Variants in MARCHF1 observed in about 807,000 individuals in gnomAD.
MARCHF1 encodes membrane associated ring-CH-type finger 1, also known as E3 ubiquitin-protein ligase MARCHF1.
In MARCHF1, 40 loss-of-function variants were observed where a neutral mutation model predicts 54.2. That is an observed-to-expected ratio of 0.74 (90% confidence interval 0.57 to 0.96). MARCHF1 has a LOEUF of 0.96. Ranked by LOEUF, MARCHF1 falls within the 40% of genes least tolerant of loss-of-function variation. The pLI, the probability that MARCHF1 is intolerant of heterozygous loss-of-function variation, is 0.00. For synonymous variants in MARCHF1, 236 were observed against 236.3 expected, an observed-to-expected ratio of 1.00 and a Z score of 0.01; for missense variants, 586 against 656.5, an observed-to-expected ratio of 0.89 and a Z score of 1.17.
intron 1 of MARCHF1, among the ~76,000 whole-genome samples, chr4:164,127,455 AAGAATT>A (rs1229447208): frequency 6.6e-6 from 1 of 152,224 alleles, no homozygotes; most frequent in Non-Finnish European, 1.5e-5. Context: ...AGTCACATAA[AAGAATT>A]AGATATATGA....
chr4:163,950,305 G>T (rs1475255640), intron 3 of MARCHF1, among the ~76,000 whole-genome samples: 2 of 152,194 alleles, frequency 1.3e-5, no homozygotes, highest in Non-Finnish European at 2.9e-5. Context: ...GTCCAGAGGG[G>T]GCCAAGGTGG....
intron 2 of MARCHF1, among the ~76,000 whole-genome samples, chr4:164,061,422 T>A (rs891785835): frequency 6.7e-5 from 10 of 149,116 alleles, no homozygotes; most frequent in Non-Finnish European, 1.2e-4. Flanking sequence ...AAAAAGTAAG[T>A]CACACAATTT....
At chr4:164,065,283 A>C (rs1754703303) in intron 2 of MARCHF1, among the ~76,000 whole-genome samples, 1 of 152,186 alleles carries the variant, frequency 6.6e-6, no homozygotes, top group Admixed American at 6.5e-5. Context: ...CTGGTCCAAA[A>C]ATTAATTCAA....
At chr4:163,811,433 GC>G (rs1748383168) in intron 4 of MARCHF1, among the ~76,000 whole-genome samples, 1 of 152,184 alleles carries the variant, frequency 6.6e-6, no homozygotes, top group African/African-American at 2.4e-5. Context: ...TACTTGGCAG[GC>G]TGAGAAGGGA....
chr4:164,292,967 C>A lies in MARCHF1; in HGVS notation c.-323+90903G>T, dbSNP rs190198075. Among the ~76,000 whole-genome samples the A allele has an allele frequency of 3.7e-3, 569 of 152,120 alleles. 13 individuals carry two copies. The highest frequency in any genetic ancestry group is 6.3e-4 in the Non-Finnish European group (43 of 67,986). ...CTATATACTACTTCCTTCTTCTAAC[C>A]AATCATTTGACTCTCCAGTCATTTT... On this transcript the variant is annotated intron_variant, in intron 1 of 9. Transcript: ENST00000514618.
chr4:164,253,027 A>G (rs911953250), intron 1 of MARCHF1, among the ~76,000 whole-genome samples: 1 of 152,162 alleles, frequency 6.6e-6, no homozygotes, highest in Non-Finnish European at 1.5e-5. Flanking sequence ...CCAGTGTATC[A>G]TGAAAAGGAT....
intron 2 of MARCHF1, among the ~76,000 whole-genome samples, chr4:164,085,550 T>C (rs1442347161): frequency 6.6e-6 from 1 of 151,898 alleles, no homozygotes; most frequent in African/African-American, 2.4e-5. Context: ...TACCAAGTCA[T>C]ATTATGTTCT....
At chr4:163,656,118 G>T (rs185257077) in intron 5 of MARCHF1, among the ~76,000 whole-genome samples, 1 of 126,978 alleles carries the variant, frequency 7.9e-6, no homozygotes, top group Admixed American at 7.8e-5. Context: ...GAATCCAGGA[G>T]CTGTTTTTTT....
At chr4:163,698,917 T>C (rs1205140329) in intron 5 of MARCHF1, among the ~76,000 whole-genome samples, 1 of 152,206 alleles carries the variant, frequency 6.6e-6, no homozygotes, top group South Asian at 2.1e-4. Context: ...GGGTGATAGA[T>C]ACTTGAAAGG....
At chr4:163,752,931 TAA>T (rs1746566665) in intron 4 of MARCHF1, among the ~76,000 whole-genome samples, 1 of 152,134 alleles carries the variant, frequency 6.6e-6, no homozygotes, top group Admixed American at 6.5e-5. Flanking sequence ...CTTTGCAAAA[TAA>T]ATTTTCATTG....
At chr4:163,615,680 C>G (rs1027005769) in intron 5 of MARCHF1, among the ~76,000 whole-genome samples, 13 of 151,960 alleles carry the variant, frequency 8.6e-5, no homozygotes, top group Admixed American at 7.9e-4. Flanking sequence ...CAGTGCAAAC[C>G]CTACCAAAAT....
intron 1 of MARCHF1, among the ~76,000 whole-genome samples, chr4:164,131,299 T>A (rs1422657945): frequency 6.6e-6 from 1 of 152,120 alleles, no homozygotes; most frequent in Non-Finnish European, 1.5e-5. Context: ...GGAAGCTAAA[T>A]AAAGTATATG....
intron 3 of MARCHF1, among the ~76,000 whole-genome samples, chr4:163,973,633 A>G (rs1241704067): frequency 6.6e-6 from 1 of 152,248 alleles, no homozygotes; most frequent in Non-Finnish European, 1.5e-5. Flanking sequence ...TACAGTAATT[A>G]ACACACCATA....
intron 4 of MARCHF1, among the ~76,000 whole-genome samples, chr4:163,770,156 A>ACCCTTACT (rs1747112742): frequency 1.3e-5 from 2 of 152,178 alleles, no homozygotes; most frequent in South Asian, 4.1e-4. Flanking sequence ...GTTGTCAGTA[A>ACCCTTACT]GGGTTATGGT....
chr4:163,967,634 C>T (rs1468384827), intron 3 of MARCHF1, among the ~76,000 whole-genome samples: 1 of 152,116 alleles, frequency 6.6e-6, no homozygotes, highest in Non-Finnish European at 1.5e-5. Flanking sequence ...TCAGGGCTCT[C>T]CAGAGCAACA....
At chr4:163,621,689 C>T (rs1219318364) in intron 5 of MARCHF1, among the ~76,000 whole-genome samples, 5 of 152,244 alleles carry the variant, frequency 3.3e-5, no homozygotes, top group African/African-American at 1.2e-4. Context: ...TTGCAGCATA[C>T]AGGAACACTG....
chr4:163,589,461 A>T (rs1487796447), intron 7 of MARCHF1, among the ~76,000 whole-genome samples: 1 of 151,982 alleles, frequency 6.6e-6, no homozygotes, highest in African/African-American at 2.4e-5. Flanking sequence ...GCATTTTGAA[A>T]TTTTTCCAAA....
chr4:164,328,532 A>T (rs1452929320), intron 1 of MARCHF1, among the ~76,000 whole-genome samples: 5 of 145,864 alleles, frequency 3.4e-5, no homozygotes, highest in South Asian at 2.2e-4. Context: ...GTCATATGAA[A>T]TTTTTTTTTT....
At chr4:163,533,680 A>ATATAT (rs57042046) in intron 9 of MARCHF1, among the ~76,000 whole-genome samples, 1 of 144,134 alleles carries the variant, frequency 6.9e-6, no homozygotes. Context: ...TTTTATATAT[A>ATATAT]ATATATATAT....
Sources: gnomAD v4.1 joint callset for allele counts (sites outside exome capture counted in the v4.1 genomes callset) on GRCh38, gnomAD v4.1.1 for gene constraint, MANE v1.5 for transcripts, NCBI Gene and HGNC (gene_info 2026-07-23, HGNC 2026-07-21) for gene names.